The following MAPKAPK2 variants were observed in gnomAD, a reference collection of about 807,000 sequenced individuals.
The protein encoded by MAPKAPK2 is MAP kinase-activated protein kinase 2.
In MAPKAPK2, 9 loss-of-function variants were observed where a neutral mutation model predicts 48.8. The ratio of observed to expected loss-of-function variants is 0.18; its 90% CI spans 0.11 to 0.32. The LOEUF (loss-of-function observed/expected upper bound fraction) is 0.32, where lower values mean the gene tolerates loss of function less well. Ranked by LOEUF, MAPKAPK2 falls within the 10% of genes least tolerant of loss-of-function variation. The pLI is 1.00. For synonymous variants in MAPKAPK2, 202 were observed against 190.6 expected, an observed-to-expected ratio of 1.06 and a Z score of -0.49; for missense variants, 331 against 498.3, an observed-to-expected ratio of 0.66 and a Z score of 3.20.
intron 1 of MAPKAPK2, among the ~76,000 whole-genome samples, chr1:206,693,457 A>G (rs182233848): frequency 6.6e-6 from 1 of 152,094 alleles, no homozygotes; most frequent in Admixed American, 6.5e-5. Flanking sequence ...CCAGGTGTCT[A>G]GATTTGTGTG....
At chr1:206,705,842 T>C (rs1435476347) in intron 1 of MAPKAPK2, among the ~76,000 whole-genome samples, 1 of 152,200 alleles carries the variant, frequency 6.6e-6, no homozygotes, top group Non-Finnish European at 1.5e-5. Flanking sequence ...GAGGTGGATA[T>C]GAATGATGGG....
chr1:206,706,601 G>C (rs537338066), intron 1 of MAPKAPK2, among the ~76,000 whole-genome samples: 1 of 152,194 alleles, frequency 6.6e-6, no homozygotes, highest in African/African-American at 2.4e-5. Flanking sequence ...TGAGCTCACC[G>C]AGGCGGGTAT....
At chr1:206,712,521 G>T (rs962265392) in intron 1 of MAPKAPK2, among the ~76,000 whole-genome samples, 1 of 152,106 alleles carries the variant, frequency 6.6e-6, no homozygotes, top group Non-Finnish European at 1.5e-5. Context: ...TAGTTTTGGC[G>T]TATATTTTCT....
At chr1:206,710,048 G>C (rs965299493) in intron 1 of MAPKAPK2, among the ~76,000 whole-genome samples, 1 of 151,880 alleles carries the variant, frequency 6.6e-6, no homozygotes, top group Non-Finnish European at 1.5e-5. Context: ...CAGCTCTTTA[G>C]CATATATACT....
chr1:206,691,595 A>G (rs1553426306), intron 1 of MAPKAPK2, among the ~76,000 whole-genome samples: 2 of 151,404 alleles, frequency 1.3e-5, no homozygotes, highest in South Asian at 2.1e-4. Flanking sequence ...GCATACATAA[A>G]TAGAAAGCTT....
At chr1:206,688,545 A>AT (rs1558571133) in intron 1 of MAPKAPK2, among the ~76,000 whole-genome samples, 2 of 152,236 alleles carry the variant, frequency 1.3e-5, no homozygotes, top group East Asian at 3.9e-4. Flanking sequence ...AGCTTCATGC[A>AT]TTTTTTTAAC....
intron 1 of MAPKAPK2, among the ~76,000 whole-genome samples, chr1:206,700,822 A>G (rs547247667): frequency 1.3e-5 from 2 of 152,354 alleles, no homozygotes; most frequent in African/African-American, 4.8e-5. Context: ...GCATTAGTCA[A>G]CTAAGGGATG....
At chr1:206,721,455 A>G (rs886542310) in intron 1 of MAPKAPK2, among the ~76,000 whole-genome samples, 3 of 152,240 alleles carry the variant, frequency 2.0e-5, no homozygotes, top group Non-Finnish European at 4.4e-5. Flanking sequence ...AGATACGTCT[A>G]TGATTAATAC....
chr1:206,708,551 C>A (rs1206139233), intron 1 of MAPKAPK2, among the ~76,000 whole-genome samples: 1 of 152,128 alleles, frequency 6.6e-6, no homozygotes, highest in Non-Finnish European at 1.5e-5. Flanking sequence ...ATGTACTTTA[C>A]CCCTAAACAT....
intron 1 of MAPKAPK2, among the ~76,000 whole-genome samples, chr1:206,720,031 G>C (rs187329650): frequency 1.2e-3 from 188 of 152,276 alleles, no homozygotes; most frequent in African/African-American, 4.4e-3. Flanking sequence ...GCACTCCGGG[G>C]TTTCACTGAG....
chr1:206,700,060 A>G (rs1672752060), intron 1 of MAPKAPK2, among the ~76,000 whole-genome samples: 1 of 149,300 alleles, frequency 6.7e-6, no homozygotes, highest in Non-Finnish European at 1.5e-5. Context: ...TCTTCCAGAA[A>G]ATGCCAGAAA....
At chr1:206,729,250 C>T in intron 3 of MAPKAPK2, 146 bp from the exon 4 acceptor site, 1 of 1,085,646 alleles carries the variant, frequency 9.2e-7, no homozygotes, top group Non-Finnish European at 1.4e-6. Context: ...ACCAGGGAAG[C>T]TCCTGGTGGC....
rs1553432187 is a variant in MAPKAPK2, at chr1:206,728,731, G to T, written c.301G>T (p.Ala101Ser). 1.2e-6 allele frequency: 2 copies of T among 1,614,136 alleles called. No homozygotes were observed. Among genetic ancestry groups the T allele is most frequent in the Non-Finnish European group, 1.7e-6 (2 of 1,180,012 alleles). The change falls in exon 2 of 10, where the codon GCC becomes TCC. Residue 101 changes from alanine (A) to serine (S), a missense_variant. This residue lies in a region of MAPKAPK2 where 111 missense variants were observed against 193.6 expected (regional missense o/e 0.57). Transcript: ENST00000367103. ...ALKMLQDCPK[A>S]RREVELHWRA... ...GCAGATGCTTCAGGACTGCCCCAAG[G>T]CCCGCAGGGAGGTGGAGCTGCACTG... is the stretch of plus-strand genomic sequence containing the variant.
At chr1:206,705,125 G>A (rs1672913353) in intron 1 of MAPKAPK2, among the ~76,000 whole-genome samples, 1 of 152,202 alleles carries the variant, frequency 6.6e-6, no homozygotes, top group Non-Finnish European at 1.5e-5. Flanking sequence ...CCCTTCTCTG[G>A]GAGAACTGTT....
At chr1:206,729,667 C>T (rs1472233794) in intron 4 of MAPKAPK2, among the ~76,000 whole-genome samples, 192 bp downstream of exon 4, 1 of 152,238 alleles carries the variant, frequency 6.6e-6, no homozygotes, top group African/African-American at 2.4e-5. Flanking sequence ...GAAGCATTCT[C>T]TGGCCCCACT....
Position 206,731,346 on chromosome 1 carries a change from G to A in MAPKAPK2, c.892+84G>A. On this transcript the variant is annotated intron_variant, in intron 7 of 9. Coordinates refer to ENST00000367103, the MANE Select transcript of MAPKAPK2 (RefSeq NM_032960.4). This position sits in a 1 kb window ranked among gnomAD's most constrained non-coding sequence, Gnocchi z 5.9. ...TGTGTGTACACGCAGACACATGTAT[G>A]GGCCTCCATCTCATGTGCGTGGTGT... 1.3e-6 allele frequency: 2 copies of A among 1,582,976 alleles called. No individual in the cohort carries two copies. Among genetic ancestry groups the A allele is most frequent in the Non-Finnish European group, 1.7e-6 (2 of 1,162,600 alleles).
Position 206,731,612 on chromosome 1 carries a change from T to C in MAPKAPK2, c.893-28T>C, listed in dbSNP as rs1201570415. 3.9e-6 allele frequency: 6 copies of C among 1,554,084 alleles called. No individual in the cohort carries two copies. The highest frequency in any genetic ancestry group is 5.3e-6 in the Non-Finnish European group (6 of 1,125,162). On this transcript the variant is annotated intron_variant, in intron 7 of 9. Transcript: ENST00000367103. This position sits in a 1 kb window ranked among gnomAD's most constrained non-coding sequence, Gnocchi z 5.9. ...AGGCCAGGGAGAGTGACCCCTGAGC[T>C]GTCACTGCCCCCTGTCCCACCCCAC...
intron 1 of MAPKAPK2, among the ~76,000 whole-genome samples, chr1:206,713,146 C>G (rs782186862): frequency 2.6e-5 from 4 of 152,166 alleles, no homozygotes; most frequent in Non-Finnish European, 5.9e-5. Context: ...CCAAGAGGTA[C>G]ATGGTCCACA....
chr1:206,690,042 A>G (rs1672408308), intron 1 of MAPKAPK2, among the ~76,000 whole-genome samples: 1 of 152,166 alleles, frequency 6.6e-6, no homozygotes, highest in Non-Finnish European at 1.5e-5. Context: ...GTGTGGTGAC[A>G]TTGGCCTGGC....
Sources: allele counts gnomAD v4.1 joint callset (sites outside exome capture counted in the v4.1 genomes callset), GRCh38; gene constraint gnomAD v4.1.1; regional missense constraint gnomAD v4.1.1; non-coding constraint Gnocchi (gnomAD v3.1); transcripts MANE v1.5; gene names NCBI Gene and HGNC (gene_info 2026-07-23, HGNC 2026-07-21).